The following DMBT1 variants were observed in gnomAD, a reference collection of about 807,000 sequenced individuals.
DMBT1 encodes deleted in malignant brain tumors 1.
DMBT1 carries 198 observed loss-of-function variants against 252.9 expected under a neutral mutation model. The observed-to-expected ratio is 0.78, with a 90% CI of 0.70 to 0.88. The LOEUF (loss-of-function observed/expected upper bound fraction) is 0.88, where lower values mean the gene tolerates loss of function less well. DMBT1 is among the 40% of genes least tolerant of loss of function. DMBT1 has a pLI of 0.00. For missense variants in DMBT1, 2,432 were observed against 2,404.7 expected (o/e 1.01, Z -0.24); for synonymous variants, 990 against 942.7 (o/e 1.05, Z -0.92).
At chr10:122,628,817 T>C (rs1023390518) in intron 46 of DMBT1, among the ~76,000 whole-genome samples, 1 of 152,108 alleles carries the variant, frequency 6.6e-6, no homozygotes, top group Non-Finnish European at 1.5e-5. Context: ...GTGCCAGGAA[T>C]GGAGGGTGTT....
chr10:122,631,910 T>A lies in DMBT1; in HGVS notation c.6367+35T>A, dbSNP rs1216491553. On this transcript the variant is annotated intron_variant, in intron 50 of 55. Transcript: ENST00000338354. ...TCCGATTTCCATTCCACTTCCCTGG[T>A]CTCCAGGTCTCTCCATTACTGCTGC... 5 of 1,605,796 alleles carry A rather than the reference T, an allele frequency of 3.1e-6. No individual in the cohort carries two copies. In the African/African-American group the frequency reaches 5.4e-5, roughly 17 times the overall value.
At chr10:122,562,848 A>G (rs901507963) in intron 1 of DMBT1, among the ~76,000 whole-genome samples, 1 of 152,242 alleles carries the variant, frequency 6.6e-6, no homozygotes, top group Non-Finnish European at 1.5e-5. Context: ...GAAGTTAGGA[A>G]CAATTATTTC....
intron 28 of DMBT1, 132 bp downstream of exon 28, chr10:122,601,155 G>A (rs1591430301): frequency 9.8e-6 from 4 of 407,450 alleles, no homozygotes; most frequent in Non-Finnish European, 1.7e-5. Flanking sequence ...GAGGAAGGTG[G>A]AATCTCTGAG....
intron 17 of DMBT1, among the ~76,000 whole-genome samples, chr10:122,589,666 C>T (rs1173882718): frequency 2.0e-5 from 3 of 148,470 alleles, no homozygotes; most frequent in Admixed American, 2.0e-4. Context: ...CTTCTGCTGA[C>T]AGCCTCAGGC....
chr10:122,585,157 C>G, intron 14 of DMBT1, 114 bp from the exon 15 acceptor site: 8 of 1,356,498 alleles, frequency 5.9e-6, no homozygotes, highest in Non-Finnish European at 8.3e-6. Context: ...AGCAAAGTGG[C>G]AGGAATCAGA....
intron 51 of DMBT1, 110 bp downstream of exon 51, chr10:122,633,000 T>C: frequency 6.4e-7 from 1 of 1,555,972 alleles, no homozygotes; most frequent in South Asian, 1.2e-5. Context: ...CCCAAAGTGG[T>C]CTCCCTGCAA....
In DMBT1 at chr10:122,573,377, G is replaced by T. The variant is rs1370060991; in HGVS notation, c.236-338G>T. 2.0e-5 allele frequency among the ~76,000 whole-genome samples: 3 copies of T among 152,184 alleles called. No individual in the cohort carries two copies. In the South Asian group the frequency reaches 6.2e-4, roughly 32 times the overall value. ...GATGGTGAATATTTGTCATTTAAGG[G>T]TGTGTTTGAGCCATAGAAACCGCCA... On this transcript the variant is annotated intron_variant, in intron 5 of 55. Coordinates refer to ENST00000338354, the MANE Select transcript of DMBT1 (RefSeq NM_001377530.1).
chr10:122,566,421 C>G (rs1180686211), intron 2 of DMBT1, among the ~76,000 whole-genome samples: 1 of 151,722 alleles, frequency 6.6e-6, no homozygotes, highest in Admixed American at 6.6e-5. Context: ...AAGCAATTCT[C>G]CTGTCTCAGC....
chr10:122,599,191 C>T (rs2097915234), intron 26 of DMBT1, 94 bp downstream of exon 26: 1 of 1,589,610 alleles, frequency 6.3e-7, no homozygotes, highest in Non-Finnish European at 8.6e-7. Context: ...CTCAAAGCTT[C>T]TTCTATGTTT....
chr10:122,568,580 G>T (rs2097625726), intron 2 of DMBT1, among the ~76,000 whole-genome samples: 1 of 152,192 alleles, frequency 6.6e-6, no homozygotes, highest in Admixed American at 6.5e-5. Context: ...AAAGCTTCTG[G>T]CTGTGTCACT....
intron 53 of DMBT1, 97 bp from the exon 54 acceptor site, chr10:122,637,030 TG>T: frequency 8.4e-7 from 1 of 1,185,402 alleles, no homozygotes; most frequent in Non-Finnish European, 1.2e-6. Flanking sequence ...TCAGCCACCC[TG>T]GTCTGTGCAC....
chr10:122,641,380 A>G (rs761565880), intron 55 of DMBT1, among the ~76,000 whole-genome samples: 52 of 152,224 alleles, frequency 3.4e-4, no homozygotes, highest in Non-Finnish European at 6.5e-4. Flanking sequence ...TTGCCTTCCA[A>G]GAGAATTTAT....
At chr10:122,568,251 G>A (rs1223578013) in intron 2 of DMBT1, among the ~76,000 whole-genome samples, 2 of 152,178 alleles carry the variant, frequency 1.3e-5, no homozygotes. Context: ...AAGAGGCTGT[G>A]TTGAGTTTGG....
rs751154755 is a variant in DMBT1, at chr10:122,618,242, G to A, written c.5117G>A (p.Arg1706His). The A allele has an allele frequency of 4.5e-5, 72 of 1,613,656 alleles. No individual in the cohort carries two copies. The highest frequency in any genetic ancestry group is 5.3e-5 in the Non-Finnish European group (63 of 1,179,776). Residue 1706 changes from arginine to histidine, a missense_variant, in exon 41 of 56, where the codon CGC (arginine) becomes CAC (histidine). This residue lies in a region of DMBT1 where 1,162 missense variants were observed against 1,169.0 expected (regional missense o/e 0.99). Coordinates refer to ENST00000338354, the MANE Select transcript of DMBT1 (RefSeq NM_001377530.1). ...GSGPIVLDDVRCSGHESYLWS... is the reference protein window; with the variant it reads ...GSGPIVLDDVHCSGHESYLWS... ...GGACCCATTGTCCTGGATGATGTGC[G>A]CTGCTCAGGACACGAGTCTTACCTG...
intron 27 of DMBT1, among the ~76,000 whole-genome samples, chr10:122,600,481 C>G (rs923499983): frequency 6.6e-6 from 1 of 152,188 alleles, no homozygotes; most frequent in Non-Finnish European, 1.5e-5. Flanking sequence ...AGGCTCGATA[C>G]CCCCATCCTT....
intron 43 of DMBT1, among the ~76,000 whole-genome samples, chr10:122,620,820 C>T (rs1434743504): frequency 6.6e-6 from 1 of 152,214 alleles, no homozygotes; most frequent in East Asian, 1.9e-4. Context: ...ATTCCTGTCA[C>T]CTCCAGTGGG....
intron 42 of DMBT1, among the ~76,000 whole-genome samples, chr10:122,619,579 C>T (rs964831054): frequency 1.3e-5 from 2 of 152,218 alleles, no homozygotes; most frequent in Non-Finnish European, 2.9e-5. Flanking sequence ...GTACAATGGA[C>T]AAGCCTTACA....
chr10:122,597,964 G>A lies in DMBT1; in HGVS notation c.2918-10G>A. ...TTTAATTCTAGCCTTTGTCTCTGTT[G>A]CAATTACAGACACATTGCCGACCAT... is the stretch of plus-strand genomic sequence containing the variant. On this transcript the variant is annotated splice_polypyrimidine_tract_variant and intron_variant, in intron 24 of 55. Transcript: ENST00000338354. 1 of 1,613,896 alleles carries A rather than the reference G, an allele frequency of 6.2e-7. No individual in the cohort carries two copies. The highest frequency in any genetic ancestry group is 8.5e-7 in the Non-Finnish European group (1 of 1,179,830).
chr10:122,578,807 A>G lies in DMBT1; in HGVS notation c.679+48A>G, dbSNP rs1318036075. ...CCTGGGGCTCACTTTCTACCTCTGG[A>G]TACACTTTGGATTTCATAGTTCACT... On this transcript the variant is annotated intron_variant, in intron 9 of 55. Coordinates refer to ENST00000338354, the MANE Select transcript of DMBT1 (RefSeq NM_001377530.1). The G allele has an allele frequency of 2.0e-6, 3 of 1,531,426 alleles. No individual in the cohort carries two copies. In the East Asian group the frequency reaches 6.9e-5, roughly 35 times the overall value. 94.9% of individuals were successfully genotyped at this position (1,531,426 alleles called of 1,614,324 possible).
Sources: gnomAD v4.1 joint callset for allele counts (sites outside exome capture counted in the v4.1 genomes callset) on GRCh38, gnomAD v4.1.1 for gene constraint, gnomAD v4.1.1 regional missense constraint, MANE v1.5 for transcripts, NCBI Gene and HGNC (gene_info 2026-07-23, HGNC 2026-07-21) for gene names.